TSPAN9: variants seen among roughly 807,000 people sequenced by gnomAD.
TSPAN9 encodes tetraspanin 9.
A neutral mutation model predicts 31.0 loss-of-function variants in TSPAN9; 16 were observed. The observed-to-expected ratio is 0.52, with a 90% CI of 0.35 to 0.78. The LOEUF (loss-of-function observed/expected upper bound fraction) is 0.78, where lower values mean the gene tolerates loss of function less well. Among genes scored for constraint, TSPAN9 ranks in the 30% least tolerant of loss-of-function variants. The probability of loss-of-function intolerance (pLI) is 0.01; values close to 1 mark genes in which losing one functional copy is unlikely to be tolerated. For missense variants in TSPAN9, 272 were observed against 312.5 expected, an observed-to-expected ratio of 0.87 and a Z score of 0.98; for synonymous variants, 145 against 121.6, an observed-to-expected ratio of 1.19 and a Z score of -1.27.
intron 3 of TSPAN9, among the ~76,000 whole-genome samples, chr12:3,265,012 G>A (rs1369864926): frequency 6.6e-6 from 1 of 152,146 alleles, no homozygotes; most frequent in East Asian, 1.9e-4. Flanking sequence ...CACCTCTCCA[G>A]CCTGGTGGTG....
At chr12:3,096,121 C>T (rs372709823) in intron 2 of TSPAN9, among the ~76,000 whole-genome samples, 190 of 152,274 alleles carry the variant, frequency 1.2e-3, no homozygotes, top group African/African-American at 4.0e-3. Flanking sequence ...GGCGGTCGGG[C>T]GGCGGCGGCT....
intron 2 of TSPAN9, among the ~76,000 whole-genome samples, chr12:3,133,524 C>T (rs2098330758): frequency 6.6e-6 from 1 of 152,190 alleles, no homozygotes; most frequent in Admixed American, 6.5e-5. Flanking sequence ...ATTCAGAATC[C>T]TTCCAGGCCT....
At chr12:3,250,914 A>G (rs1424863900) in intron 3 of TSPAN9, among the ~76,000 whole-genome samples, 4 of 152,164 alleles carry the variant, frequency 2.6e-5, no homozygotes. Flanking sequence ...CCGGGGTGAC[A>G]GGGTGGCATA....
chr12:3,123,983 G>A (rs666335), intron 2 of TSPAN9, among the ~76,000 whole-genome samples: 124,848 of 152,194 alleles, frequency 0.82, 51,385 homozygotes, highest in East Asian at 0.92. Flanking sequence ...CCTGGAGTGC[G>A]GGAAGCAGGC....
chr12:3,278,672 T>C, intron 4 of TSPAN9, 60 bp downstream of exon 4: 1 of 1,573,386 alleles, frequency 6.4e-7, no homozygotes, highest in Admixed American at 1.8e-5. Flanking sequence ...CTTGGACCCC[T>C]GGGACAGGCA....
Position 3,264,755 on chromosome 12 carries a change from A to G in TSPAN9, c.64-13666A>G, listed in dbSNP as rs149341805. ...CATTTATAGTTGTGTGCAAGGCGCC[A>G]TGCTAGGAAGTTTATTTTCATGAAC... On this transcript the variant is annotated intron_variant, in intron 3 of 8. Transcript: ENST00000011898. Among the ~76,000 whole-genome samples the G allele has an allele frequency of 5.8e-3, 876 of 152,334 alleles. 7 individuals carry two copies. The highest frequency in any genetic ancestry group is 0.02 in the African/African-American group (824 of 41,582).
intron 3 of TSPAN9, among the ~76,000 whole-genome samples, chr12:3,209,012 G>A (rs1444736386): frequency 1.3e-5 from 2 of 152,194 alleles, no homozygotes; most frequent in African/African-American, 4.8e-5. Flanking sequence ...CAAGGTGGGT[G>A]GATCACGAGG....
chr12:3,212,471 C>T (rs189769162), intron 3 of TSPAN9, among the ~76,000 whole-genome samples: 24 of 151,758 alleles, frequency 1.6e-4, no homozygotes, highest in Admixed American at 1.4e-3. Context: ...GAAACAGGGT[C>T]TCCCTGTGTT....
chr12:3,183,615 G>A (rs1200230780), intron 2 of TSPAN9, among the ~76,000 whole-genome samples: 1 of 152,154 alleles, frequency 6.6e-6, no homozygotes, highest in Non-Finnish European at 1.5e-5. Context: ...GCATTCACAG[G>A]GCAGGTTATC....
intron 3 of TSPAN9, among the ~76,000 whole-genome samples, chr12:3,211,261 C>T (rs914682369): frequency 2.6e-5 from 4 of 152,264 alleles, no homozygotes; most frequent in South Asian, 2.1e-4. Context: ...ATTAACTAGT[C>T]CACCTTTCCC....
Position 3,279,018 on chromosome 12 carries a change from C to T in TSPAN9, c.282C>T (p.Leu94=). Residue 94 remains leucine, a synonymous_variant, in exon 5 of 9, where the codon CTC becomes CTT. Coordinates refer to ENST00000011898, the MANE Select transcript of TSPAN9 (RefSeq NM_006675.5). ...TTTTCATCGTCCTGTTGGTCATCCT[C>T]CTAGCAGAGCTGATCTTACTCATCC... ...LSFFIVLLVI[L]LAELILLILF... 1 of 1,614,180 alleles carries T rather than the reference C, an allele frequency of 6.2e-7. No individual in the cohort carries two copies. The highest frequency in any genetic ancestry group is 8.5e-7 in the Non-Finnish European group (1 of 1,180,024).
intron 2 of TSPAN9, among the ~76,000 whole-genome samples, chr12:3,120,058 C>A (rs1347030658): frequency 2.6e-5 from 4 of 152,188 alleles, no homozygotes; most frequent in African/African-American, 9.7e-5. Flanking sequence ...GTTTCAGATG[C>A]CTGCTTGGGA....
chr12:3,197,897 A>ACACCAGCACAGGTCAC (rs1372203007), intron 2 of TSPAN9, among the ~76,000 whole-genome samples: 1 of 56,724 alleles, frequency 1.8e-5, no homozygotes, highest in Non-Finnish European at 3.6e-5. Flanking sequence ...AGCACAGGTC[A>ACACCAGCACAGGTCAC]CACCAGCACA....
Position 3,192,350 on chromosome 12 carries a change from G to A in TSPAN9, c.-17-8827G>A, listed in dbSNP as rs1002705179. On this transcript the variant is annotated intron_variant, in intron 2 of 8. Transcript: ENST00000011898. The surrounding 1 kb of genome is among the most constrained non-coding windows in gnomAD (Gnocchi z 4.6). ...GCGCAGGAGGGAATGGAAGGCTGCA[G>A]GGGCTGCCGCAGGACCCCAGGCGAG... Among the ~76,000 whole-genome samples, 2 of 152,162 alleles carry A rather than the reference G, an allele frequency of 1.3e-5. No homozygotes were observed. The highest frequency in any genetic ancestry group is 4.8e-5 in the African/African-American group (2 of 41,430).
At chr12:3,134,411 T>C (rs1276573252) in intron 2 of TSPAN9, among the ~76,000 whole-genome samples, 3 of 152,214 alleles carry the variant, frequency 2.0e-5, no homozygotes, top group African/African-American at 4.8e-5. Flanking sequence ...AATGGGGAAC[T>C]TTGAAGGTTC....
At chr12:3,264,735 A>G (rs1364587022) in intron 3 of TSPAN9, among the ~76,000 whole-genome samples, 1 of 152,216 alleles carries the variant, frequency 6.6e-6, no homozygotes, top group Non-Finnish European at 1.5e-5. Flanking sequence ...GCTTTCATTT[A>G]TAGTTGTGTG....
chr12:3,272,269 G>A (rs1323480327), intron 3 of TSPAN9, among the ~76,000 whole-genome samples: 2 of 152,126 alleles, frequency 1.3e-5, no homozygotes, highest in East Asian at 1.9e-4. Flanking sequence ...TTCCAGGAGT[G>A]GGGAAGACGG....
chr12:3,234,045 G>A (rs1441850248), intron 3 of TSPAN9, among the ~76,000 whole-genome samples: 2 of 152,238 alleles, frequency 1.3e-5, no homozygotes, highest in Non-Finnish European at 1.5e-5. Context: ...GTAAACGTGG[G>A]TGTGTAGGGC....
At chr12:3,269,940 G>A (rs1412835815) in intron 3 of TSPAN9, among the ~76,000 whole-genome samples, 1 of 152,236 alleles carries the variant, frequency 6.6e-6, no homozygotes, top group African/African-American at 2.4e-5. Context: ...GGGCTGCGGC[G>A]GCAGCGGGAA....
Sources: gnomAD v4.1 joint callset for allele counts (sites outside exome capture counted in the v4.1 genomes callset) on GRCh38, gnomAD v4.1.1 for gene constraint, Gnocchi (gnomAD v3.1) non-coding constraint, MANE v1.5 for transcripts, NCBI Gene and HGNC (gene_info 2026-07-23, HGNC 2026-07-21) for gene names.